The following UBL3 variants were observed in gnomAD, a reference collection of about 807,000 sequenced individuals.
UBL3 encodes ubiquitin-like protein 3.
In UBL3, 6 loss-of-function variants were observed where a neutral mutation model predicts 18.4. That is an observed-to-expected ratio of 0.33 (90% CI 0.18 to 0.64). The LOEUF is 0.64. Among genes scored for constraint, UBL3 ranks in the 30% least tolerant of loss-of-function variants. The pLI, the probability that UBL3 is intolerant of heterozygous loss-of-function variation, is 0.76. For synonymous variants in UBL3, 49 were observed against 46.6 expected, an observed-to-expected ratio of 1.05 and a Z score of -0.21; for missense variants, 109 against 142.9, an observed-to-expected ratio of 0.76 and a Z score of 1.21.
At chr13:29,825,057 T>C (rs1046748609) in intron 1 of UBL3, among the ~76,000 whole-genome samples, 4 of 152,190 alleles carry the variant, frequency 2.6e-5, no homozygotes, top group Admixed American at 6.5e-5. Context: ...TTCTGTTCCA[T>C]TGGTCTATAT....
intron 1 of UBL3, among the ~76,000 whole-genome samples, chr13:29,828,296 C>T (rs958441513): frequency 7.2e-5 from 11 of 152,148 alleles, no homozygotes; most frequent in African/African-American, 2.7e-4. Flanking sequence ...TTCCATTCTC[C>T]CCATCACTTT....
chr13:29,830,576 A>G (rs1478917618), intron 1 of UBL3, among the ~76,000 whole-genome samples: 1 of 152,224 alleles, frequency 6.6e-6, no homozygotes, highest in Non-Finnish European at 1.5e-5. Context: ...TCTGCATCAA[A>G]GCATGAACTA....
At chr13:29,843,237 AC>A (rs1215388874) in intron 1 of UBL3, among the ~76,000 whole-genome samples, 13 of 152,256 alleles carry the variant, frequency 8.5e-5, no homozygotes, top group Non-Finnish European at 1.5e-4. Flanking sequence ...TTATAAACAT[AC>A]ACATAGTATA....
intron 1 of UBL3, among the ~76,000 whole-genome samples, chr13:29,779,757 G>C (rs937137235): frequency 1.3e-5 from 2 of 152,200 alleles, no homozygotes; most frequent in African/African-American, 4.8e-5. Flanking sequence ...AAACAGTATT[G>C]TGGGAACAAC....
chr13:29,832,614 C>G (rs1878810055), intron 1 of UBL3, among the ~76,000 whole-genome samples: 1 of 152,190 alleles, frequency 6.6e-6, no homozygotes, highest in Non-Finnish European at 1.5e-5. Flanking sequence ...AGACTCACTA[C>G]TACTTAGAAA....
chr13:29,784,500 T>C (rs540717315), intron 1 of UBL3, among the ~76,000 whole-genome samples: 1 of 152,118 alleles, frequency 6.6e-6, no homozygotes, highest in South Asian at 2.1e-4. Flanking sequence ...CTGCCTTCTT[T>C]GCTAAATGGC....
intron 1 of UBL3, among the ~76,000 whole-genome samples, chr13:29,809,004 A>C (rs1219515685): frequency 2.0e-5 from 3 of 152,158 alleles, no homozygotes; most frequent in African/African-American, 7.2e-5. Context: ...TCTTTTCCTC[A>C]AAATAATATA....
chr13:29,839,485 C>A (rs1879039282), intron 1 of UBL3, among the ~76,000 whole-genome samples: 1 of 151,936 alleles, frequency 6.6e-6, no homozygotes, highest in Non-Finnish European at 1.5e-5. Context: ...CAAAAATATT[C>A]CAAAAAAACC....
chr13:29,779,947 T>C (rs1419184298), intron 1 of UBL3, among the ~76,000 whole-genome samples: 1 of 152,202 alleles, frequency 6.6e-6, no homozygotes, highest in Non-Finnish European at 1.5e-5. Flanking sequence ...GCTCGGCTCC[T>C]ATGCTCTCTC....
At chr13:29,806,034 G>A (rs183342602) in intron 1 of UBL3, among the ~76,000 whole-genome samples, 3 of 152,236 alleles carry the variant, frequency 2.0e-5, no homozygotes, top group African/African-American at 7.2e-5. Flanking sequence ...AAAATTAGCT[G>A]GGCATGGTGG....
chr13:29,780,315 C>A (rs1364437065), intron 1 of UBL3, among the ~76,000 whole-genome samples: 2 of 135,576 alleles, frequency 1.5e-5, no homozygotes, highest in Non-Finnish European at 3.1e-5. Flanking sequence ...GATTGTGCCA[C>A]TGCACTCCAG....
intron 3 of UBL3, among the ~76,000 whole-genome samples, chr13:29,771,283 C>T (rs965611659): frequency 6.6e-6 from 1 of 151,900 alleles, no homozygotes; most frequent in Non-Finnish European, 1.5e-5. Flanking sequence ...TATACGTTTC[C>T]AATTATCTGA....
chr13:29,809,148 G>C (rs975946595), intron 1 of UBL3, among the ~76,000 whole-genome samples: 2 of 152,116 alleles, frequency 1.3e-5, no homozygotes, highest in Non-Finnish European at 2.9e-5. Flanking sequence ...GATGAAGACA[G>C]GTAAACAAGC....
At chr13:29,846,713 C>A (rs1472779422) in intron 1 of UBL3, among the ~76,000 whole-genome samples, 1 of 152,096 alleles carries the variant, frequency 6.6e-6, no homozygotes. Flanking sequence ...TCCCATCTCC[C>A]CAACAGGATT....
chr13:29,840,855 CATCT>C (rs1047300837), intron 1 of UBL3, among the ~76,000 whole-genome samples: 4 of 152,144 alleles, frequency 2.6e-5, no homozygotes, highest in Admixed American at 6.5e-5. Flanking sequence ...AATTTATATA[CATCT>C]ATCATAATCG....
At chr13:29,795,050 A>G (rs1003783250) in intron 1 of UBL3, among the ~76,000 whole-genome samples, 8 of 152,188 alleles carry the variant, frequency 5.3e-5, no homozygotes, top group Non-Finnish European at 7.4e-5. Flanking sequence ...GACAGCAAAC[A>G]TTCATTTCAA....
chr13:29,827,568 T>A (rs1878655724), intron 1 of UBL3, among the ~76,000 whole-genome samples: 1 of 152,244 alleles, frequency 6.6e-6, no homozygotes, highest in Non-Finnish European at 1.5e-5. Flanking sequence ...TGAGCCTATG[T>A]GTGTCTCTGC....
In UBL3 at chr13:29,849,980, T is replaced by A. The variant is rs1276314269; in HGVS notation, c.-442A>T. On this transcript the variant is annotated 5_prime_UTR_variant, in exon 1 of 5. Transcript: ENST00000380680. Reference sequence around the variant, plus strand: ...TAAGCAGGAGAAAAATGCCCCAGCGTGGATGTACACAGATAACTATGTAGC... The same window carrying A: ...TAAGCAGGAGAAAAATGCCCCAGCGAGGATGTACACAGATAACTATGTAGC... 7 of 269,902 alleles carry A rather than the reference T, an allele frequency of 2.6e-5. No homozygotes were observed. Among genetic ancestry groups the A allele is most frequent in the Non-Finnish European group, 5.1e-5 (7 of 136,604 alleles). The allele number at this position is 269,902 out of a possible 1,614,324, so 16.7% of individuals were successfully genotyped here.
At chr13:29,804,080 C>G (rs967064699) in intron 1 of UBL3, among the ~76,000 whole-genome samples, 1 of 150,166 alleles carries the variant, frequency 6.7e-6, no homozygotes, top group Non-Finnish European at 1.5e-5. Context: ...CAATCCTCAG[C>G]TAAATAAAAA....
Sources: gnomAD v4.1 joint callset for allele counts (sites outside exome capture counted in the v4.1 genomes callset) on GRCh38, gnomAD v4.1.1 for gene constraint, MANE v1.5 for transcripts, NCBI Gene and HGNC (gene_info 2026-07-23, HGNC 2026-07-21) for gene names.